Variants in LGSN observed in about 807,000 individuals in gnomAD.
LGSN encodes lengsin.
Under a neutral mutation model 19.5 loss-of-function variants are expected in LGSN, and 21 were observed. The observed-to-expected ratio is 1.07, with a 90% CI of 0.76 to 1.55. The LOEUF (loss-of-function observed/expected upper bound fraction) is 1.55, where lower values mean the gene tolerates loss of function less well. Among genes scored for constraint, LGSN ranks in the 40% most tolerant of loss-of-function variants. The pLI, the probability that LGSN is intolerant of heterozygous loss-of-function variation, is 0.00. For synonymous variants in LGSN, 257 were observed against 215.6 expected (o/e 1.19, Z -1.68); for missense variants, 673 against 608.5 (o/e 1.11, Z -1.12).
At chr6:63,564,275 CAA>C in the LGSN span, among the ~76,000 whole-genome samples, 336 of 95,604 alleles carry the variant, frequency 3.5e-3, 1 homozygote, top group Non-Finnish European at 6.0e-3. Context: ...GACTCTGTCT[CAA>C]AAAAAAAAAA....
the LGSN span, among the ~76,000 whole-genome samples, chr6:63,448,978 T>A: frequency 2.0e-5 from 3 of 152,320 alleles, no homozygotes; most frequent in Admixed American, 2.0e-4. Context: ...TTTTACACTG[T>A]ATTTGATATT....
At chr6:63,479,159 G>T in the LGSN span, among the ~76,000 whole-genome samples, 6 of 152,182 alleles carry the variant, frequency 3.9e-5, no homozygotes, top group Admixed American at 2.0e-4. Flanking sequence ...CATCAAGGGA[G>T]ATGGGCTTAC....
chr6:63,547,767 TCC>T, the LGSN span, among the ~76,000 whole-genome samples: 1 of 151,502 alleles, frequency 6.6e-6, no homozygotes, highest in Non-Finnish European at 1.5e-5. Context: ...CCCCTCGGCC[TCC>T]CAAAGTGCTG....
the LGSN span, among the ~76,000 whole-genome samples, chr6:63,397,994 T>G: frequency 6.6e-6 from 1 of 151,874 alleles, no homozygotes; most frequent in Non-Finnish European, 1.5e-5. Context: ...TATTGCCTAG[T>G]GATATCATAG....
the LGSN span, among the ~76,000 whole-genome samples, chr6:63,559,272 T>C: frequency 6.6e-6 from 1 of 152,218 alleles, no homozygotes; most frequent in Admixed American, 6.5e-5. Flanking sequence ...CATAATATAA[T>C]GATACTTGTA....
At chr6:63,508,786 G>T in the LGSN span, among the ~76,000 whole-genome samples, 4 of 151,798 alleles carry the variant, frequency 2.6e-5, no homozygotes, top group East Asian at 7.9e-4. Context: ...GGGCGTGGTG[G>T]TGCATGCCTG....
intron 1 of LGSN, among the ~76,000 whole-genome samples, chr6:63,316,151 A>G (rs1358634947): frequency 6.6e-6 from 1 of 152,142 alleles, no homozygotes; most frequent in Non-Finnish European, 1.5e-5. Flanking sequence ...TAACTGTTTA[A>G]TCCTCACCAC....
chr6:63,534,455 A>AC, the LGSN span, among the ~76,000 whole-genome samples: 1 of 131,518 alleles, frequency 7.6e-6, no homozygotes, highest in African/African-American at 3.2e-5. Context: ...ACAGAGAAAC[A>AC]CACACACACA....
intron 1 of LGSN, among the ~76,000 whole-genome samples, chr6:63,305,832 G>T (rs917205223): frequency 2.0e-5 from 3 of 152,054 alleles, no homozygotes; most frequent in African/African-American, 7.2e-5. Flanking sequence ...AGGCTGAGGT[G>T]GGTGGATCAC....
At chr6:63,491,958 G>T in the LGSN span, among the ~76,000 whole-genome samples, 1 of 151,866 alleles carries the variant, frequency 6.6e-6, no homozygotes, top group Non-Finnish European at 1.5e-5. Context: ...GAACCCGGGA[G>T]GCGGAAGTTG....
At chr6:63,556,593 A>G in the LGSN span, among the ~76,000 whole-genome samples, 1 of 152,194 alleles carries the variant, frequency 6.6e-6, no homozygotes, top group Non-Finnish European at 1.5e-5. Flanking sequence ...GGAGGATGAT[A>G]CCACAGGGGA....
the LGSN span, among the ~76,000 whole-genome samples, chr6:63,432,630 T>C: frequency 1.3e-5 from 2 of 151,418 alleles, no homozygotes; most frequent in African/African-American, 4.9e-5. Flanking sequence ...AGGCAGAGCT[T>C]GCAGTGAGCC....
chr6:63,546,562 C>T, the LGSN span, among the ~76,000 whole-genome samples: 1 of 152,072 alleles, frequency 6.6e-6, no homozygotes, highest in Non-Finnish European at 1.5e-5. Flanking sequence ...AAAAATTAGC[C>T]GAGCATGGTG....
At chr6:63,556,967 T>C in the LGSN span, among the ~76,000 whole-genome samples, 4 of 152,214 alleles carry the variant, frequency 2.6e-5, no homozygotes, top group Non-Finnish European at 5.9e-5. Context: ...TTCTGTTGTC[T>C]ACCAAACACT....
At position 63,279,639 on chromosome 6, in the gene LGSN, T is replaced by G. The variant is rs1160439213; in HGVS notation, c.*382A>C. On this transcript the variant is annotated 3_prime_UTR_variant, in exon 4 of 4. Coordinates refer to ENST00000370657, the MANE Select transcript of LGSN (RefSeq NM_016571.3). ...TGTACCATTAAAATTTTTTCTCCTT[T>G]TCTTTTTTTTCTTTTTTAGTCATTT... is the stretch of plus-strand genomic sequence containing the variant. The G allele has an allele frequency of 6.2e-6, 1 of 160,004 alleles. No individual in the cohort carries two copies. Among genetic ancestry groups the G allele is most frequent in the East Asian group, 1.9e-4 (1 of 5,404 alleles). 9.9% of individuals were successfully genotyped at this position (160,004 alleles called of 1,614,324 possible). A position where few individuals can be genotyped will look rare whatever the true frequency, so the allele number is the denominator to read the frequency against.
chr6:63,379,337 G>C, the LGSN span, among the ~76,000 whole-genome samples: 17 of 152,282 alleles, frequency 1.1e-4, no homozygotes, highest in African/African-American at 3.4e-4. Context: ...AACTGCTGTT[G>C]TTGGCACATC....
At chr6:63,495,459 T>TC in the LGSN span, among the ~76,000 whole-genome samples, 59 of 90,668 alleles carry the variant, frequency 6.5e-4, no homozygotes, top group African/African-American at 4.0e-3. Flanking sequence ...TCTTTTTCTT[T>TC]TTTTTTTTTT....
chr6:63,442,143 TG>T, the LGSN span, among the ~76,000 whole-genome samples: 2 of 151,694 alleles, frequency 1.3e-5, no homozygotes, highest in Non-Finnish European at 2.9e-5. Flanking sequence ...CCGGAGTTGT[TG>T]GTCCCTCCCA....
intron 2 of LGSN, among the ~76,000 whole-genome samples, chr6:63,292,809 A>G (rs1197925185): frequency 6.6e-6 from 1 of 152,250 alleles, no homozygotes; most frequent in East Asian, 1.9e-4. Context: ...AACCTTGAAT[A>G]TAACAGCTTT....
Sources: gnomAD v4.1 joint callset for allele counts (sites outside exome capture counted in the v4.1 genomes callset) on GRCh38, gnomAD v4.1.1 for gene constraint, MANE v1.5 for transcripts, NCBI Gene and HGNC (gene_info 2026-07-23, HGNC 2026-07-21) for gene names.